MFF: variants seen among roughly 807,000 people sequenced by gnomAD.
MFF encodes mitochondrial fission factor.
Under a neutral mutation model 36.9 loss-of-function variants are expected in MFF, and 12 were observed. The ratio of observed to expected loss-of-function variants is 0.33; its 90% CI spans 0.21 to 0.53. The LOEUF is 0.53. MFF is among the 20% of genes least tolerant of loss of function. The pLI, the probability that MFF is intolerant of heterozygous loss-of-function variation, is 0.95. For synonymous variants in MFF, 99 were observed against 126.2 expected, an observed-to-expected ratio of 0.78 and a Z score of 1.44; for missense variants, 348 against 366.6, an observed-to-expected ratio of 0.95 and a Z score of 0.42.
intron 4 of MFF, among the ~76,000 whole-genome samples, chr2:227,337,491 A>G (rs867939184): frequency 3.9e-5 from 6 of 152,250 alleles, no homozygotes; most frequent in Non-Finnish European, 8.8e-5. Flanking sequence ...TGAGAGAATC[A>G]GCCATCAAAA....
intron 5 of MFF, among the ~76,000 whole-genome samples, chr2:227,343,168 ATT>A (rs147027013): frequency 6.8e-6 from 1 of 146,758 alleles, no homozygotes; most frequent in Non-Finnish European, 1.5e-5. Flanking sequence ...AGTGATCCCA[ATT>A]TTTTTTTTTT....
intron 4 of MFF, 48 bp downstream of exon 4, chr2:227,332,636 G>A (rs781240024): frequency 2.2e-5 from 32 of 1,458,068 alleles, no homozygotes; most frequent in Middle Eastern, 1.8e-4. Flanking sequence ...TGTAGACAAA[G>A]GTAAAAGAGA....
At chr2:227,356,406 A>G (rs2076259219) in intron 8 of MFF, among the ~76,000 whole-genome samples, 1 of 152,144 alleles carries the variant, frequency 6.6e-6, no homozygotes, top group Admixed American at 6.5e-5. Flanking sequence ...AACAGCAAGG[A>G]TGGTACTGTC....
Position 227,332,537 on chromosome 2 carries a change from A to G in MFF, c.300A>G (p.Pro100=). 1 of 1,613,548 alleles carries G rather than the reference A, an allele frequency of 6.2e-7. No homozygotes were observed. The change falls in exon 4 of 9, where the codon CCA becomes CCG. Residue 100 remains proline (P), a synonymous_variant. Coordinates refer to ENST00000304593, the MANE Select transcript of MFF (RefSeq NM_001277062.2). ...GTGTACTTACGCTGAGTGAAAGACC[A>G]CTAGATTTTCTGGATTTAGAAAGAC... ...PPRVLTLSER[P]LDFLDLERPP...
chr2:227,327,588 T>C (rs1033802781), intron 1 of MFF, among the ~76,000 whole-genome samples: 1 of 152,232 alleles, frequency 6.6e-6, no homozygotes, highest in Admixed American at 6.5e-5. Flanking sequence ...AGCATCCACC[T>C]TTATTTTCTA....
At chr2:227,336,710 AT>A (rs1347551560) in intron 4 of MFF, among the ~76,000 whole-genome samples, 1 of 152,192 alleles carries the variant, frequency 6.6e-6, no homozygotes, top group East Asian at 1.9e-4. Context: ...CTTAACACAG[AT>A]TATACTTAGA....
intron 2 of MFF, chr2:227,329,906 C>T (rs2074448415): frequency 3.6e-6 from 2 of 558,964 alleles, no homozygotes; most frequent in South Asian, 5.4e-5. Flanking sequence ...TTGGCGGCAA[C>T]ATTCTTTCTA....
At chr2:227,353,601 CAG>C (rs1158580556) in intron 7 of MFF, among the ~76,000 whole-genome samples, 2 of 152,116 alleles carry the variant, frequency 1.3e-5, no homozygotes, top group African/African-American at 4.8e-5. Flanking sequence ...ATCTTTCTGT[CAG>C]AGTATTTTCA....
At chr2:227,325,689 T>A (rs1207919089) in intron 1 of MFF, 1 of 152,210 alleles carries the variant, frequency 6.6e-6, no homozygotes, top group Non-Finnish European at 1.5e-5. Context: ...CTTCACCTTG[T>A]GTGGTTCGGC....
rs1472751246 is a variant in MFF, at chr2:227,325,295, T to G, written c.-285T>G. On this transcript the variant is annotated 5_prime_UTR_variant, in exon 1 of 9. Coordinates refer to ENST00000304593, the MANE Select transcript of MFF (RefSeq NM_001277062.2). The stretch of plus-strand genomic sequence containing the variant: ...CTTTCGCGCTTCTGCCCTGGCCCTC[T>G]GCGGGCCGCTCCGCCGGTGCTGTCC... 6.4e-6 allele frequency: 1 copy of G among 156,228 alleles called. No individual in the cohort carries two copies. Among genetic ancestry groups the G allele is most frequent in the Non-Finnish European group, 1.4e-5 (1 of 70,156 alleles). 9.7% of individuals were successfully genotyped at this position (156,228 alleles called of 1,614,324 possible).
intron 4 of MFF, among the ~76,000 whole-genome samples, chr2:227,337,316 C>T (rs1296502613): frequency 2.6e-5 from 4 of 152,202 alleles, no homozygotes; most frequent in Non-Finnish European, 5.9e-5. Context: ...GGACAATGCA[C>T]ATGTTGGGGA....
chr2:227,354,676 T>G (rs947408296), intron 7 of MFF, among the ~76,000 whole-genome samples: 18 of 152,146 alleles, frequency 1.2e-4, no homozygotes, highest in African/African-American at 4.3e-4. Flanking sequence ...GTAACTACAT[T>G]GGAACAAAAA....
At chr2:227,346,063 G>T (rs558240142) in intron 5 of MFF, among the ~76,000 whole-genome samples, 6 of 152,204 alleles carry the variant, frequency 3.9e-5, no homozygotes, top group African/African-American at 1.4e-4. Flanking sequence ...AATTTTCTGG[G>T]ACTCTGGGAA....
intron 7 of MFF, among the ~76,000 whole-genome samples, chr2:227,354,913 C>G (rs1423229557): frequency 6.6e-6 from 1 of 152,170 alleles, no homozygotes; most frequent in African/African-American, 2.4e-5. Flanking sequence ...GTAATCCCAG[C>G]AATTTAGGAG....
At chr2:227,337,527 G>A (rs1439987648) in intron 4 of MFF, among the ~76,000 whole-genome samples, 1 of 152,138 alleles carries the variant, frequency 6.6e-6, no homozygotes, top group African/African-American at 2.4e-5. Flanking sequence ...TACTTGCCCA[G>A]GAATTTATGA....
intron 2 of MFF, chr2:227,329,811 G>A (rs771827897): frequency 6.9e-7 from 1 of 1,446,934 alleles, no homozygotes; most frequent in South Asian, 1.2e-5. Context: ...CAGTTGAGCT[G>A]GTATTATAGG....
At position 227,352,438 on chromosome 2, in the gene MFF, T is replaced by C. The variant is rs1352259854; in HGVS notation, c.600-76T>C. 3.9e-6 allele frequency: 4 copies of C among 1,021,582 alleles called. No homozygotes were observed. The East Asian group carries it at 9.6e-5, about 25-fold the overall frequency. The allele number at this position is 1,021,582 out of a possible 1,614,324, so 63.3% of individuals were successfully genotyped here. On this transcript the variant is annotated intron_variant, in intron 6 of 8. Coordinates refer to ENST00000304593, the MANE Select transcript of MFF (RefSeq NM_001277062.2). Reference sequence around the variant, plus strand: ...AATCCTATTTGACATTTATTTGTCTTGTTTTTGCTTTTATTTTATTACTTC... The same window carrying C: ...AATCCTATTTGACATTTATTTGTCTCGTTTTTGCTTTTATTTTATTACTTC...
chr2:227,337,602 T>A (rs1213555054), intron 4 of MFF, among the ~76,000 whole-genome samples: 1 of 152,136 alleles, frequency 6.6e-6, no homozygotes, highest in Non-Finnish European at 1.5e-5. Context: ...ATGCAAAGTG[T>A]CTAGTGCTAC....
chr2:227,327,849 T>C (rs2074272364), intron 1 of MFF, among the ~76,000 whole-genome samples: 1 of 152,166 alleles, frequency 6.6e-6, no homozygotes, highest in Non-Finnish European at 1.5e-5. Flanking sequence ...CTTTTTTCAG[T>C]GTTAGTTCTG....
Sources: gnomAD v4.1 joint callset for allele counts (sites outside exome capture counted in the v4.1 genomes callset) on GRCh38, gnomAD v4.1.1 for gene constraint, MANE v1.5 for transcripts, NCBI Gene and HGNC (gene_info 2026-07-23, HGNC 2026-07-21) for gene names.